PDE1C: variants seen among roughly 807,000 people sequenced by gnomAD.
PDE1C encodes phosphodiesterase 1C, also known as dual specificity calcium/calmodulin-dependent 3',5'-cyclic nucleotide phosphodiesterase 1C.
Under a neutral mutation model 93.1 loss-of-function variants are expected in PDE1C, and 62 were observed. The ratio of observed to expected loss-of-function variants is 0.67; its 90% CI spans 0.54 to 0.82. The LOEUF (loss-of-function observed/expected upper bound fraction) is 0.82. Among genes scored for constraint, PDE1C ranks in the 40% least tolerant of loss-of-function variants. The pLI is 0.00. For missense variants in PDE1C, 742 were observed against 884.6 expected (o/e 0.84, Z 2.04); for synonymous variants, 325 against 310.1 (o/e 1.05, Z -0.50).
chr7:32,038,839 C>G (rs1359178744), intron 2 of PDE1C, among the ~76,000 whole-genome samples: 1 of 152,142 alleles, frequency 6.6e-6, no homozygotes, highest in Non-Finnish European at 1.5e-5. Context: ...ACATTTCTTT[C>G]TATTCAAAAT....
chr7:32,128,789 G>A (rs1006237912), intron 3 of PDE1C, among the ~76,000 whole-genome samples: 13 of 150,440 alleles, frequency 8.6e-5, no homozygotes, highest in African/African-American at 3.2e-4. Flanking sequence ...ATCCATCTAG[G>A]AATTTATTTT....
chr7:32,330,608 C>T (rs215635), intron 1 of PDE1C, among the ~76,000 whole-genome samples: 80,793 of 152,060 alleles, frequency 0.53, 23,996 homozygotes, highest in Admixed American at 0.68. Context: ...CCCTTCTACC[C>T]CTTTGATGAG....
intron 2 of PDE1C, among the ~76,000 whole-genome samples, chr7:31,970,140 AATAAT>A (rs1810722845): frequency 2.6e-5 from 4 of 152,174 alleles, no homozygotes; most frequent in Admixed American, 2.6e-4. Context: ...CTCAAAGTAT[AATAAT>A]AATAAAATTT....
chr7:32,311,635 C>G (rs1320049231), intron 1 of PDE1C, among the ~76,000 whole-genome samples: 4 of 152,042 alleles, frequency 2.6e-5, no homozygotes, highest in Non-Finnish European at 4.4e-5. Context: ...AGCATATAAA[C>G]AGAACCAAAG....
At chr7:32,156,050 T>A (rs1327566728) in intron 3 of PDE1C, among the ~76,000 whole-genome samples, 2 of 152,230 alleles carry the variant, frequency 1.3e-5, no homozygotes, top group Non-Finnish European at 2.9e-5. Context: ...TGAGTTTCTC[T>A]CTACTCTGCA....
At chr7:32,403,148 A>G (rs1405773875) in intron 1 of PDE1C, among the ~76,000 whole-genome samples, 1 of 152,162 alleles carries the variant, frequency 6.6e-6, no homozygotes, top group Non-Finnish European at 1.5e-5. Context: ...AAAGCATTTC[A>G]GTTCTCCATG....
chr7:32,219,854 T>G (rs1190607885), intron 1 of PDE1C, among the ~76,000 whole-genome samples: 1 of 152,240 alleles, frequency 6.6e-6, no homozygotes, highest in African/African-American at 2.4e-5. Flanking sequence ...CATCTTGAGT[T>G]GCAGCTTCCA....
At chr7:31,779,395 T>TA (rs1783233117) in intron 16 of PDE1C, among the ~76,000 whole-genome samples, 4 of 152,322 alleles carry the variant, frequency 2.6e-5, no homozygotes, top group East Asian at 1.9e-4. Context: ...TGGAATTTTT[T>TA]AAAAAATAAC....
chr7:31,711,958 T>C, the PDE1C span, among the ~76,000 whole-genome samples: 999 of 152,216 alleles, frequency 6.6e-3, 8 homozygotes, highest in African/African-American at 0.023. Context: ...CCTACCCATC[T>C]CCTACTCTTT....
the PDE1C span, among the ~76,000 whole-genome samples, chr7:31,677,532 C>A: frequency 6.6e-6 from 1 of 152,026 alleles, no homozygotes; most frequent in Non-Finnish European, 1.5e-5. Context: ...ACTAATCAAG[C>A]TAAGGAGAAA....
chr7:31,826,807 T>C (rs531330947), intron 12 of PDE1C, among the ~76,000 whole-genome samples: 3 of 152,168 alleles, frequency 2.0e-5, no homozygotes, highest in Non-Finnish European at 4.4e-5. Context: ...GGCAAAGAAA[T>C]CTTCTAAAAA....
intron 2 of PDE1C, among the ~76,000 whole-genome samples, chr7:32,198,821 GA>G (rs1804796710): frequency 6.6e-6 from 1 of 151,934 alleles, no homozygotes; most frequent in African/African-American, 2.4e-5. Context: ...TTTTAACATA[GA>G]AAAAAAGAAA....
chr7:32,309,051 TA>T (rs1813097539), intron 1 of PDE1C, among the ~76,000 whole-genome samples: 1 of 151,918 alleles, frequency 6.6e-6, no homozygotes, highest in Non-Finnish European at 1.5e-5. Flanking sequence ...GAGAAGTCCT[TA>T]AAGGAGCTGA....
At chr7:32,332,204 A>G (rs938718876) in intron 1 of PDE1C, among the ~76,000 whole-genome samples, 1 of 152,214 alleles carries the variant, frequency 6.6e-6, no homozygotes, top group African/African-American at 2.4e-5. Flanking sequence ...AGACAACCCA[A>G]TAAAAAATGA....
the PDE1C span, chr7:31,695,413 G>T: frequency 6.6e-7 from 1 of 1,505,936 alleles, no homozygotes; most frequent in South Asian, 1.3e-5. Context: ...AACAGTTTGT[G>T]ACTGGATCCT....
chr7:31,957,262 A>G (rs1053176145), intron 2 of PDE1C, among the ~76,000 whole-genome samples: 1 of 151,684 alleles, frequency 6.6e-6, no homozygotes, highest in Non-Finnish European at 1.5e-5. Context: ...ATAATGCATC[A>G]GTTTTCCACT....
chr7:32,220,643 G>A (rs960183716), intron 1 of PDE1C, among the ~76,000 whole-genome samples: 4 of 151,980 alleles, frequency 2.6e-5, no homozygotes, highest in East Asian at 3.9e-4. Context: ...GTGAAACCCC[G>A]CCTCTACTAA....
chr7:32,372,638 T>G (rs1258102066), intron 1 of PDE1C, among the ~76,000 whole-genome samples: 2 of 152,164 alleles, frequency 1.3e-5, no homozygotes, highest in East Asian at 3.8e-4. Flanking sequence ...TTGGACTTCA[T>G]CAAATTAAAA....
At chr7:32,361,244 C>G (rs1022792654) in intron 1 of PDE1C, among the ~76,000 whole-genome samples, 1 of 152,194 alleles carries the variant, frequency 6.6e-6, no homozygotes, top group Admixed American at 6.5e-5. Context: ...CAGGTCCTAT[C>G]TGCAGTCTTT....
Sources: allele counts gnomAD v4.1 joint callset (sites outside exome capture counted in the v4.1 genomes callset), GRCh38; gene constraint gnomAD v4.1.1; transcripts MANE v1.5; gene names NCBI Gene and HGNC (gene_info 2026-07-23, HGNC 2026-07-21).